Variants in OCA2 observed in about 807,000 individuals in gnomAD.
OCA2 encodes the protein P protein.
In OCA2, 77 loss-of-function variants were observed where a neutral mutation model predicts 100.2. The observed-to-expected ratio is 0.77, with a 90% CI of 0.64 to 0.93. The LOEUF is 0.93. Among genes scored for constraint, OCA2 ranks in the 40% least tolerant of loss-of-function variants. OCA2 has a pLI of 0.00. For synonymous variants in OCA2, 432 were observed against 439.2 expected (o/e 0.98, Z 0.21); for missense variants, 1,062 against 1,089.1 (o/e 0.98, Z 0.35).
At chr15:27,878,956 C>T (rs576319443) in intron 19 of OCA2, among the ~76,000 whole-genome samples, 2 of 152,208 alleles carry the variant, frequency 1.3e-5, no homozygotes, top group South Asian at 2.1e-4. Context: ...CAACTCATCA[C>T]GTAGGTATTA....
intron 2 of OCA2, among the ~76,000 whole-genome samples, chr15:28,035,685 A>C (rs1300176850): frequency 1.3e-5 from 2 of 152,030 alleles, no homozygotes; most frequent in East Asian, 3.9e-4. Context: ...TCAGTCTAAG[A>C]CTGAGCACTG....
chr15:27,971,640 G>A (rs2040796502), intron 14 of OCA2, among the ~76,000 whole-genome samples: 1 of 152,150 alleles, frequency 6.6e-6, no homozygotes. Context: ...CAAGAGACCT[G>A]AGAGACCTAA....
In OCA2 at chr15:27,913,892, AAAGCAAGCAAGC is replaced by A. The variant is rs201142354; in HGVS notation, c.2079+12223_2079+12234del. On this transcript the variant is annotated intron_variant, in intron 19 of 23. Coordinates refer to ENST00000354638, the MANE Select transcript of OCA2 (RefSeq NM_000275.3). Reference sequence around the variant, plus strand: ...GAAAGAAAGAAAGAAAGAAAGAAAGAAAGCAAGCAAGCAAGCAAGCAAGCAAGCAAGCAAGCA... The same window carrying A: ...GAAAGAAAGAAAGAAAGAAAGAAAGAAAGCAAGCAAGCAAGCAAGCAAGCA... Among the ~76,000 whole-genome samples, 130 of 37,420 alleles carry A rather than the reference AAAGCAAGCAAGC, an allele frequency of 3.5e-3. 9 individuals are homozygous for A. Among genetic ancestry groups the A allele is most frequent in the South Asian group, 6.4e-3 (5 of 786 alleles). 24.5% of individuals were successfully genotyped at this position (37,420 alleles called of 152,430 possible). A position where few individuals can be genotyped will look rare whatever the true frequency, so the allele number is the denominator to read the frequency against.
chr15:28,077,402 A>G (rs1354559210), intron 2 of OCA2, among the ~76,000 whole-genome samples: 1 of 152,154 alleles, frequency 6.6e-6, no homozygotes, highest in Non-Finnish European at 1.5e-5. Context: ...TATTAGATTA[A>G]AAAATTCATC....
In OCA2 at chr15:27,919,074, T is replaced by C. The variant is rs528395487; in HGVS notation, c.2079+7053A>G. Among the ~76,000 whole-genome samples, 5 of 152,236 alleles carry C rather than the reference T, an allele frequency of 3.3e-5. No homozygotes were observed. The South Asian group carries it at 1.0e-3, about 32-fold the overall frequency. ...AATAAAATAGCCAAGACAATAAACA[T>C]CATATAGTTCTCCTCAAAGAATCAT... is the stretch of plus-strand genomic sequence containing the variant. On this transcript the variant is annotated intron_variant, in intron 19 of 23. Transcript: ENST00000354638.
chr15:27,986,685 A>T, intron 11 of OCA2, 42 bp from the exon 12 acceptor site: 2 of 1,310,812 alleles, frequency 1.5e-6, no homozygotes, highest in Non-Finnish European at 2.2e-6. Context: ...TTTTAGCAGG[A>T]CACCATATTA....
chr15:27,975,560 T>G (rs2040939531), intron 14 of OCA2, among the ~76,000 whole-genome samples: 1 of 152,228 alleles, frequency 6.6e-6, no homozygotes, highest in African/African-American at 2.4e-5. Context: ...CTCTGCTGAC[T>G]TGGCTTTGCA....
At chr15:27,857,609 A>C (rs2035990241) in intron 21 of OCA2, among the ~76,000 whole-genome samples, 1 of 152,176 alleles carries the variant, frequency 6.6e-6, no homozygotes. Flanking sequence ...TAAAATTTAA[A>C]ATGTCAAAAA....
chr15:27,763,510 T>C (rs1490607719), intron 23 of OCA2, among the ~76,000 whole-genome samples: 1 of 152,168 alleles, frequency 6.6e-6, no homozygotes, highest in African/African-American at 2.4e-5. Flanking sequence ...TCACTGAAGC[T>C]ATATGAGTGG....
Position 27,977,863 on chromosome 15 carries a change from G to A in OCA2, c.1503+5482C>T, listed in dbSNP as rs150792647. Among the ~76,000 whole-genome samples the A allele has an allele frequency of 7.3e-3, 1,112 of 152,226 alleles. 21 individuals are homozygous for A. The highest frequency in any genetic ancestry group is 0.025 in the African/African-American group (1,023 of 41,526). ...CCACATGAGGACACAGTGAGAGAGC[G>A]GCCATCTGCAAGCCTGGAAGACAGC... is the stretch of plus-strand genomic sequence containing the variant. On this transcript the variant is annotated intron_variant, in intron 14 of 23. Coordinates refer to ENST00000354638, the MANE Select transcript of OCA2 (RefSeq NM_000275.3).
rs1478017286 is a variant in OCA2, at chr15:27,926,178, TC to T, written c.2027del (p.Arg676LysfsTer16). ...DIHDFEIILH[R>X]VEWATLLFFA... is the part of the protein sequence containing the mutation. ...AAAACAGAAGGGTTGCCCATTCCAC[TC>T]TGTGTAGAATTATCTCAAAATCATG... On this transcript the variant is annotated frameshift_variant, in exon 19 of 24. Coordinates refer to ENST00000354638, the MANE Select transcript of OCA2 (RefSeq NM_000275.3). LOFTEE classifies it high-confidence loss of function. The T allele has an allele frequency of 6.2e-7, 1 of 1,614,092 alleles. No individual in the cohort carries two copies. Among genetic ancestry groups the T allele is most frequent in the East Asian group, 2.2e-5 (1 of 44,860 alleles).
chr15:27,891,336 CT>C (rs2037453006), intron 19 of OCA2, among the ~76,000 whole-genome samples: 1 of 152,046 alleles, frequency 6.6e-6, no homozygotes, highest in African/African-American at 2.4e-5. Flanking sequence ...CAAAATAGAA[CT>C]GTAAAAAATG....
At chr15:27,888,744 C>G (rs1478736604) in intron 19 of OCA2, among the ~76,000 whole-genome samples, 2 of 151,508 alleles carry the variant, frequency 1.3e-5, no homozygotes, top group Non-Finnish European at 2.9e-5. Context: ...TTGAAGAAGG[C>G]CGTGTGTGTG....
intron 9 of OCA2, among the ~76,000 whole-genome samples, chr15:28,007,709 A>G (rs115633354): frequency 0.013 from 2,035 of 152,094 alleles, 43 homozygotes; most frequent in African/African-American, 0.047. Context: ...CAGCCTGGGC[A>G]AGACTCCATC....
chr15:27,822,266 T>C (rs1357250828), intron 23 of OCA2, among the ~76,000 whole-genome samples: 1 of 152,244 alleles, frequency 6.6e-6, no homozygotes, highest in African/African-American at 2.4e-5. Flanking sequence ...CCTATATTTG[T>C]ACTTTATGTA....
At chr15:27,900,928 G>C (rs1171476310) in intron 19 of OCA2, among the ~76,000 whole-genome samples, 2 of 152,228 alleles carry the variant, frequency 1.3e-5, no homozygotes, top group Non-Finnish European at 2.9e-5. Flanking sequence ...AGTGGTGGCA[G>C]AGGTCAGGGG....
At chr15:27,747,944 T>C in the OCA2 span, among the ~76,000 whole-genome samples, 1 of 152,058 alleles carries the variant, frequency 6.6e-6, no homozygotes, top group Non-Finnish European at 1.5e-5. Context: ...GGTGAACTGG[T>C]TTGGAATCCA....
chr15:27,982,959 T>C (rs2041215718), intron 14 of OCA2, among the ~76,000 whole-genome samples: 1 of 152,200 alleles, frequency 6.6e-6, no homozygotes, highest in Non-Finnish European at 1.5e-5. Context: ...TTTTAAGTCC[T>C]TCATCAGTAA....
chr15:27,922,668 T>C (rs932318222), intron 19 of OCA2, among the ~76,000 whole-genome samples: 6 of 149,808 alleles, frequency 4.0e-5, no homozygotes, highest in African/African-American at 1.5e-4. Flanking sequence ...GCTTTTGTGG[T>C]TTTTTGTTTG....
Sources: allele counts gnomAD v4.1 joint callset (sites outside exome capture counted in the v4.1 genomes callset), GRCh38; gene constraint gnomAD v4.1.1; transcripts MANE v1.5; gene names NCBI Gene and HGNC (gene_info 2026-07-23, HGNC 2026-07-21).